FAM107B: variants seen among roughly 807,000 people sequenced by gnomAD.
FAM107B encodes protein FAM107B.
FAM107B carries 21 observed loss-of-function variants against 31.5 expected under a neutral mutation model. The ratio of observed to expected loss-of-function variants is 0.67; its 90% CI spans 0.47 to 0.96. FAM107B has a LOEUF of 0.96. FAM107B is among the 40% of genes least tolerant of loss of function. FAM107B has a pLI of 0.00. For missense variants in FAM107B, 452 were observed against 377.1 expected (o/e 1.20, Z -1.64); for synonymous variants, 157 against 141.5 (o/e 1.11, Z -0.78).
intron 2 of FAM107B, among the ~76,000 whole-genome samples, chr10:14,626,735 C>T (rs1430052500): frequency 6.6e-6 from 1 of 152,116 alleles, no homozygotes; most frequent in Non-Finnish European, 1.5e-5. Flanking sequence ...GATCTCCTGA[C>T]CTCGTGATCT....
chr10:14,628,119 T>TTGTTTTTTTTGTTTTTTTTG (rs1853218766), intron 2 of FAM107B, among the ~76,000 whole-genome samples: 1 of 123,106 alleles, frequency 8.1e-6, no homozygotes, highest in African/African-American at 3.5e-5. Context: ...CTGGTTTTTT[T>TTGTTTTTTTTGTTTTTTTTG]TTTTTTTTTT....
intron 2 of FAM107B, among the ~76,000 whole-genome samples, chr10:14,572,760 T>TATATATA (rs1554835532): frequency 7.3e-6 from 1 of 137,110 alleles, no homozygotes; most frequent in Non-Finnish European, 1.6e-5. Flanking sequence ...TATATATATA[T>TATATATA]TAGAGTGTGT....
intron 1 of FAM107B, among the ~76,000 whole-genome samples, chr10:14,728,629 C>T (rs1856092578): frequency 1.3e-5 from 2 of 152,100 alleles, no homozygotes; most frequent in African/African-American, 2.4e-5. Flanking sequence ...TCCCTCTTAC[C>T]GCATGGTGAT....
intron 1 of FAM107B, among the ~76,000 whole-genome samples, chr10:14,714,169 C>T (rs1015434299): frequency 6.6e-6 from 1 of 152,146 alleles, no homozygotes; most frequent in African/African-American, 2.4e-5. Flanking sequence ...TGTATTTACC[C>T]CTGAGCCTAA....
At chr10:14,542,098 A>G (rs185049955) in intron 2 of FAM107B, among the ~76,000 whole-genome samples, 1 of 151,852 alleles carries the variant, frequency 6.6e-6, no homozygotes, top group East Asian at 1.9e-4. Context: ...CTACTTAAAA[A>G]AATAATAATA....
chr10:14,538,755 G>A lies in FAM107B; in HGVS notation c.470-8240C>T, dbSNP rs149821937. 1.9e-3 allele frequency among the ~76,000 whole-genome samples: 283 copies of A among 152,266 alleles called. 1 individual carries two copies. The highest frequency in any genetic ancestry group is 6.4e-3 in the African/African-American group (264 of 41,550). On this transcript the variant is annotated intron_variant, in intron 2 of 4. Transcript: ENST00000181796. ...TAAAATTACTATCCACAAGTCACTT[G>A]GTTGCTGCTGCATAATGACAATTCT...
intron 1 of FAM107B, among the ~76,000 whole-genome samples, chr10:14,704,783 G>T (rs1029292576): frequency 1.3e-5 from 2 of 152,098 alleles, no homozygotes; most frequent in Admixed American, 6.5e-5. Flanking sequence ...CAGCATTTTG[G>T]GAGGCCAAGG....
chr10:14,564,164 G>A (rs972709486), intron 2 of FAM107B, among the ~76,000 whole-genome samples: 4 of 151,904 alleles, frequency 2.6e-5, no homozygotes, highest in Admixed American at 1.3e-4. Context: ...CAGTGTAAAG[G>A]GGTCCTGAGG....
At chr10:14,554,950 C>G (rs1309624786) in intron 2 of FAM107B, among the ~76,000 whole-genome samples, 1 of 152,150 alleles carries the variant, frequency 6.6e-6, no homozygotes, top group Non-Finnish European at 1.5e-5. Context: ...AAATATAGAA[C>G]AATTGTGAGT....
At chr10:14,772,595 C>G (rs1167963998) in intron 1 of FAM107B, among the ~76,000 whole-genome samples, 2 of 152,020 alleles carry the variant, frequency 1.3e-5, no homozygotes, top group South Asian at 2.1e-4. Flanking sequence ...TGGTTTGGAC[C>G]GCACAGTCAA....
At chr10:14,746,570 T>C (rs1564285293) in intron 1 of FAM107B, among the ~76,000 whole-genome samples, 1 of 152,220 alleles carries the variant, frequency 6.6e-6, no homozygotes, top group Non-Finnish European at 1.5e-5. Flanking sequence ...TTTGGCCAGA[T>C]ATAAAATTCT....
At chr10:14,629,872 G>GA (rs566697857) in intron 2 of FAM107B, among the ~76,000 whole-genome samples, 29 of 151,222 alleles carry the variant, frequency 1.9e-4, no homozygotes, top group African/African-American at 5.6e-4. Context: ...TATAAATTTA[G>GA]AAAAAAAACA....
chr10:14,537,071 C>G (rs1312536875), intron 2 of FAM107B, among the ~76,000 whole-genome samples: 1 of 152,130 alleles, frequency 6.6e-6, no homozygotes, highest in Non-Finnish European at 1.5e-5. Flanking sequence ...CAACCAGAAG[C>G]TGGCCCGAGT....
chr10:14,655,162 A>G (rs1475570137), intron 2 of FAM107B, among the ~76,000 whole-genome samples: 1 of 152,162 alleles, frequency 6.6e-6, no homozygotes, highest in Non-Finnish European at 1.5e-5. Context: ...CATGGGAAAT[A>G]AGGGTGAGAG....
intron 2 of FAM107B, among the ~76,000 whole-genome samples, chr10:14,582,127 C>T (rs1851655021): frequency 6.6e-6 from 1 of 152,122 alleles, no homozygotes; most frequent in South Asian, 2.1e-4. Context: ...ATAGCAGCAG[C>T]AGCCTGTTTG....
At chr10:14,578,102 A>T (rs970655961) in intron 2 of FAM107B, among the ~76,000 whole-genome samples, 2 of 152,120 alleles carry the variant, frequency 1.3e-5, no homozygotes, top group African/African-American at 2.4e-5. Context: ...CTTTCTTTCC[A>T]TTTGGAAAAG....
intron 1 of FAM107B, among the ~76,000 whole-genome samples, chr10:14,685,136 C>G (rs1386398060): frequency 7.7e-6 from 1 of 129,496 alleles, no homozygotes; most frequent in Non-Finnish European, 1.6e-5. Context: ...CCAATAACAT[C>G]CTTTTATTTT....
At chr10:14,695,535 G>T (rs1474179814) in intron 1 of FAM107B, among the ~76,000 whole-genome samples, 1 of 152,112 alleles carries the variant, frequency 6.6e-6, no homozygotes, top group Non-Finnish European at 1.5e-5. Flanking sequence ...AATGCCACTG[G>T]GATTTTGATA....
chr10:14,734,878 G>A (rs1299693071), intron 1 of FAM107B, among the ~76,000 whole-genome samples: 1 of 152,110 alleles, frequency 6.6e-6, no homozygotes, highest in Admixed American at 6.6e-5. Flanking sequence ...GAAATGCAGT[G>A]GACACAGTTG....
Sources: gnomAD v4.1 joint callset for allele counts (sites outside exome capture counted in the v4.1 genomes callset) on GRCh38, gnomAD v4.1.1 for gene constraint, MANE v1.5 for transcripts, NCBI Gene and HGNC (gene_info 2026-07-23, HGNC 2026-07-21) for gene names.